PCDH11X: variants seen among roughly 807,000 people sequenced by gnomAD.
The protein encoded by PCDH11X is protocadherin 11 X-linked.
A neutral mutation model predicts 53.3 loss-of-function variants in PCDH11X; 18 were observed. The observed-to-expected ratio is 0.34, with a 90% CI of 0.23 to 0.50. The LOEUF is 0.50. PCDH11X is among the 20% of genes least tolerant of loss of function. The probability of loss-of-function intolerance (pLI) is 0.98; values close to 1 mark genes in which losing one functional copy is unlikely to be tolerated. For missense variants in PCDH11X, 570 were observed against 1,032.4 expected (o/e 0.55, Z 6.14); for synonymous variants, 279 against 393.3 (o/e 0.71, Z 3.44).
rs190320038 is a variant in PCDH11X at position 92,258,406 on chromosome X, C to T, written c.3115-4708C>T. Among the ~76,000 whole-genome samples the T allele has an allele frequency of 5.2e-3, 539 of 103,047 alleles. 9 individuals are homozygous for T. The highest frequency in any genetic ancestry group is 6.3e-3 in the Non-Finnish European group (319 of 50,627). 89.5% of individuals were successfully genotyped at this position (103,047 alleles called of 115,157 possible). On this transcript the variant is annotated intron_variant, in intron 7 of 10. Transcript: ENST00000682573. ...TTTTTGAGACAGAGTCTTGCTCCAT[C>T]GCCCAGGCTGGAGTGCAGTGGCTCG...
intron 7 of PCDH11X, among the ~76,000 whole-genome samples, chrX:92,231,958 G>A (rs887595568): frequency 1.8e-5 from 2 of 111,598 alleles, no homozygotes; most frequent in Non-Finnish European, 3.8e-5. Context: ...ATGTGACTAT[G>A]TAGAGTAATT....
At chrX:92,581,850 C>T (rs1378438431) in intron 10 of PCDH11X, among the ~76,000 whole-genome samples, 4 of 107,040 alleles carry the variant, frequency 3.7e-5, no homozygotes, top group African/African-American at 6.9e-5. Context: ...AAAGTCCAGG[C>T]TCAGGTGGTC....
intron 7 of PCDH11X, among the ~76,000 whole-genome samples, chrX:92,224,366 G>T (rs2066932647): frequency 9.0e-6 from 1 of 111,675 alleles, no homozygotes. Context: ...TTTTTAAATA[G>T]ACTTTTTTGA....
chrX:91,925,128 A>G (rs1941898569), intron 6 of PCDH11X, among the ~76,000 whole-genome samples: 1 of 110,537 alleles, frequency 9.0e-6, no homozygotes, highest in Admixed American at 9.8e-5. Flanking sequence ...ACAGTAAATT[A>G]AAAATATTGT....
At chrX:92,565,436 T>C in intron 10 of PCDH11X, among the ~76,000 whole-genome samples, 1 of 103,058 alleles carries the variant, frequency 9.7e-6, no homozygotes, top group Non-Finnish European at 2.0e-5. Context: ...ATATACACAA[T>C]GAAGTACTAT....
At chrX:92,478,889 A>G (rs1461292399) in intron 10 of PCDH11X, among the ~76,000 whole-genome samples, 3 of 111,355 alleles carry the variant, frequency 2.7e-5, no homozygotes, top group Non-Finnish European at 5.6e-5. Context: ...TCTATTAAGT[A>G]CATTTGGTCC....
intron 6 of PCDH11X, among the ~76,000 whole-genome samples, chrX:92,189,755 T>C (rs1435362918): frequency 8.9e-6 from 1 of 112,080 alleles, no homozygotes; most frequent in Non-Finnish European, 1.9e-5. Flanking sequence ...ATAATCACCA[T>C]TGTAACTGGC....
At chrX:92,582,905 T>G (rs1315451713) in intron 10 of PCDH11X, among the ~76,000 whole-genome samples, 1 of 109,866 alleles carries the variant, frequency 9.1e-6, no homozygotes, top group Non-Finnish European at 1.9e-5. Flanking sequence ...CTTTAAGATT[T>G]CACTGCCCCA....
intron 4 of PCDH11X, among the ~76,000 whole-genome samples, chrX:91,820,045 C>T (rs1472109167): frequency 1.2e-4 from 11 of 92,859 alleles, no homozygotes; most frequent in Non-Finnish European, 2.2e-4. Context: ...TGTATATGTG[C>T]CACATTTTCT....
intron 9 of PCDH11X, among the ~76,000 whole-genome samples, chrX:92,439,805 C>T (rs1367230713): frequency 9.7e-6 from 1 of 103,209 alleles, no homozygotes; most frequent in Non-Finnish European, 2.0e-5. Context: ...ACAGTCTAAG[C>T]AAAATGATTC....
intron 6 of PCDH11X, among the ~76,000 whole-genome samples, chrX:92,168,837 C>T (rs980913262): frequency 9.0e-6 from 1 of 111,481 alleles, no homozygotes; most frequent in African/African-American, 3.3e-5. Flanking sequence ...ATCCCAGTTT[C>T]ATCAAGTTAG....
chrX:91,805,103 A>T (rs945265841), intron 1 of PCDH11X, among the ~76,000 whole-genome samples: 2 of 105,325 alleles, frequency 1.9e-5, no homozygotes, highest in African/African-American at 6.8e-5. Context: ...GATCAGATTT[A>T]AGTTTCTTTC....
intron 10 of PCDH11X, among the ~76,000 whole-genome samples, chrX:92,610,605 C>T (rs1927268912): frequency 9.1e-6 from 1 of 110,095 alleles, no homozygotes; most frequent in South Asian, 3.9e-4. Context: ...TTAATTAGGT[C>T]CCATTTGTCA....
chrX:92,395,741 C>T (rs1396851343), intron 9 of PCDH11X, among the ~76,000 whole-genome samples: 1 of 110,991 alleles, frequency 9.0e-6, no homozygotes, highest in Admixed American at 9.7e-5. Flanking sequence ...TAAGCAACAA[C>T]TTAATGTTCT....
chrX:91,907,408 C>G (rs867487818), intron 6 of PCDH11X, among the ~76,000 whole-genome samples: 72 of 66,052 alleles, frequency 1.1e-3, no homozygotes, highest in African/African-American at 4.2e-3. Flanking sequence ...CACACACACA[C>G]ACACAGAGAG....
intron 10 of PCDH11X, among the ~76,000 whole-genome samples, chrX:92,601,964 T>G (rs1454817594): frequency 2.7e-5 from 3 of 112,026 alleles, no homozygotes; most frequent in Admixed American, 9.5e-5. Flanking sequence ...AAGAACATTG[T>G]GCCTAGTTGC....
chrX:92,167,555 C>T (rs181227032), intron 6 of PCDH11X, among the ~76,000 whole-genome samples: 3 of 111,471 alleles, frequency 2.7e-5, no homozygotes, highest in Admixed American at 9.6e-5. Flanking sequence ...AGTAATTTTC[C>T]GTGTTGTTTT....
At chrX:92,133,206 C>T (rs1475728242) in intron 6 of PCDH11X, among the ~76,000 whole-genome samples, 1 of 111,573 alleles carries the variant, frequency 9.0e-6, no homozygotes, top group Non-Finnish European at 1.9e-5. Flanking sequence ...TTCTGACATC[C>T]TTTATGAATC....
intron 8 of PCDH11X, among the ~76,000 whole-genome samples, chrX:92,360,651 G>C (rs1342241266): frequency 1.8e-5 from 2 of 110,739 alleles, no homozygotes; most frequent in Non-Finnish European, 3.8e-5. Flanking sequence ...TGCTCATTTA[G>C]CTTTTTTGTC....
Sources: gnomAD v4.1 joint callset for allele counts (sites outside exome capture counted in the v4.1 genomes callset) on GRCh38, gnomAD v4.1.1 for gene constraint, MANE v1.5 for transcripts, NCBI Gene and HGNC (gene_info 2026-07-23, HGNC 2026-07-21) for gene names.